The following TTN variants were observed in gnomAD, a reference collection of about 807,000 sequenced individuals.
TTN encodes titin.
TTN carries 1,525 observed loss-of-function variants against 3,223.0 expected under a neutral mutation model. The ratio of observed to expected loss-of-function variants is 0.47; its 90% CI spans 0.45 to 0.49. TTN has a LOEUF of 0.49. Ranked by LOEUF, TTN falls within the 20% of genes least tolerant of loss-of-function variation. TTN has a pLI of 0.00. For synonymous variants in TTN, 14,094 were observed against 15,161.0 expected, an observed-to-expected ratio of 0.93 and a Z score of 5.17; for missense variants, 40,786 against 43,424.0, an observed-to-expected ratio of 0.94 and a Z score of 5.40.
intron 292 of TTN, 141 bp from the exon 293 acceptor site, chr2:178,598,199 G>C: frequency 1.0e-6 from 1 of 984,382 alleles, no homozygotes; most frequent in Non-Finnish European, 1.5e-6. Flanking sequence ...TTAGGGATCA[G>C]ATATTACAGG....
chr2:178,552,376 C>G lies in TTN; in HGVS notation c.90524G>C (p.Ser30175Thr). The change falls in exon 335 of 363, where the codon AGT becomes ACT. Residue 30175 changes from serine to threonine, a missense_variant. By Grantham distance (58) the Ser-to-Thr change is moderately conservative. Transcript: ENST00000589042. ...WLKDGLPLKE[S>T]EFVRFSKTEN... is the part of the protein sequence containing the mutation. ...AGTTTTACTGAAGCGAACAAATTCACTTTCTTTCAGTGGCAAGCCATCTTT... is the reference window on the plus strand; with the variant it reads ...AGTTTTACTGAAGCGAACAAATTCAGTTTCTTTCAGTGGCAAGCCATCTTT... 1 of 1,591,528 alleles carries G rather than the reference C, an allele frequency of 6.3e-7. No individual in the cohort carries two copies. Among genetic ancestry groups the G allele is most frequent in the Non-Finnish European group, 8.6e-7 (1 of 1,167,500 alleles).
chr2:178,740,381 C>G lies in TTN; in HGVS notation c.12852G>C (p.Gln4284His). 6.2e-7 allele frequency: 1 copy of G among 1,613,396 alleles called. No homozygotes were observed. Among genetic ancestry groups the G allele is most frequent in the Non-Finnish European group, 8.5e-7 (1 of 1,179,678 alleles). ...AAGGGACTAGGGGCTCATAGTTTAC[C>G]TGAGAGATCATGACATCAGGACTCT... ...SLQSPDVMIS[Q>H]VNYEPLVPSE... The change falls in exon 48 of 363, where the codon CAG becomes CAC. Residue 4284 changes from glutamine to histidine, a missense_variant. Physicochemically the swap from Gln to His is conservative, Grantham distance 24. Coordinates refer to ENST00000589042, the MANE Select transcript of TTN (RefSeq NM_001267550.2).
chr2:178,669,349 A>T, intron 159 of TTN, 24 bp downstream of exon 159: 2 of 1,510,652 alleles, frequency 1.3e-6, no homozygotes, highest in East Asian at 4.9e-5. Flanking sequence ...AACGAAAAAG[A>T]ACCACTAATT....
In TTN at chr2:178,664,339, G is replaced by T. The variant is rs890274653; in HGVS notation, c.36280+121C>A. Reference sequence around the variant, plus strand: ...ATATTAATACATTTACACTTGAGTTGCAAGAGTCAACACAGACATGATTCA... The same window carrying T: ...ATATTAATACATTTACACTTGAGTTTCAAGAGTCAACACAGACATGATTCA... On this transcript the variant is annotated intron_variant, in intron 168 of 362. Transcript: ENST00000589042. 9 of 853,634 alleles carry T rather than the reference G, an allele frequency of 1.1e-5. No individual in the cohort carries two copies. The African/African-American group carries it at 1.4e-4, about 13-fold the overall frequency. The allele number at this position is 853,634 out of a possible 1,614,324, so 52.9% of individuals were successfully genotyped here.
At chr2:178,749,551 C>T (rs954361973) in intron 47 of TTN, 2 of 1,612,632 alleles carry the variant, frequency 1.2e-6, no homozygotes, top group African/African-American at 2.7e-5. Flanking sequence ...AAAAATGTGC[C>T]CTTACAGATT....
At position 178,593,437 on chromosome 2, in the gene TTN, C is replaced by T. The variant is rs776808469; in HGVS notation, c.58771G>A (p.Val19591Ile). Reference protein sequence around the residue: ...DAPDQPIVTEVTKDSALVTWN... With the variant: ...DAPDQPIVTEITKDSALVTWN... Reference sequence around the variant, plus strand: ...GTTACTAATGCAGAGTCTTTGGTAACTTCTGTAACAATTGGCTGATCAGGT... The same window carrying T: ...GTTACTAATGCAGAGTCTTTGGTAATTTCTGTAACAATTGGCTGATCAGGT... The change falls in exon 299 of 363, where the codon GTT becomes ATT. Residue 19591 changes from valine (V) to isoleucine (I), a missense_variant. Val to Ile is a conservative substitution (Grantham distance 29, BLOSUM62 3). Transcript: ENST00000589042. The T allele has an allele frequency of 2.5e-5, 41 of 1,612,808 alleles. No homozygotes were observed. The South Asian group carries it at 4.4e-4, about 17-fold the overall frequency.
rs72648985 is a variant in TTN at position 178,717,514 on chromosome 2, G to A, written c.25351+9C>T. 6.3e-7 allele frequency: 1 copy of A among 1,591,040 alleles called. No homozygotes were observed. The highest frequency in any genetic ancestry group is 8.6e-7 in the Non-Finnish European group (1 of 1,168,338). On this transcript the variant is annotated intron_variant, in intron 87 of 362. Coordinates refer to ENST00000589042, the MANE Select transcript of TTN (RefSeq NM_001267550.2). ...CTTTACAATGAAGAGGGTACTGTGA[G>A]TTACTCACCTGAGAGAATGAGCTTG...
intron 8 of TTN, 143 bp from the exon 9 acceptor site, chr2:178,793,684 C>CA: frequency 8.6e-7 from 1 of 1,159,728 alleles, no homozygotes; most frequent in Non-Finnish European, 1.2e-6. Flanking sequence ...CCTGTAATCC[C>CA]AGCTACTCAC....
At chr2:178,664,261 C>G (rs2065446385) in intron 168 of TTN, among the ~76,000 whole-genome samples, 163 bp from the exon 169 acceptor site, 1 of 152,008 alleles carries the variant, frequency 6.6e-6, no homozygotes, top group Admixed American at 6.6e-5. Flanking sequence ...GGAGGAACTT[C>G]CGGTATTTTC....
chr2:178,568,896 A>G lies in TTN; in HGVS notation c.77236T>C (p.Ser25746Pro). The G allele has an allele frequency of 6.2e-7, 1 of 1,613,222 alleles. No homozygotes were observed. Among genetic ancestry groups the G allele is most frequent in the Non-Finnish European group, 8.5e-7 (1 of 1,179,568 alleles). ...EMQAKHSEKW[S>P]ECARVKSLQA... is the part of the protein sequence containing the mutation. The stretch of plus-strand genomic sequence containing the variant: ...AGAGACTTTACTCGAGCACACTCTG[A>G]CCATTTCTCACTGTGTTTAGCTTGC... Residue 25746 changes from serine (S) to proline (P), a missense_variant, in exon 326 of 363, where the codon TCA (serine) becomes CCA (proline). Transcript: ENST00000589042.
intron 223 of TTN, among the ~76,000 whole-genome samples, chr2:178,637,718 C>T (rs1381829663): frequency 1.3e-5 from 2 of 152,014 alleles, no homozygotes; most frequent in African/African-American, 4.8e-5. Context: ...TTTGCTCCTG[C>T]CTAGCTGTGC....
Position 178,784,123 on chromosome 2 carries a change from C to T in TTN, c.2722G>A (p.Gly908Ser). Residue 908 changes from glycine to serine, a missense_variant, in exon 16 of 363, where the codon GGC becomes AGC. Physicochemically the swap from Gly to Ser is moderately conservative, Grantham distance 56. Coordinates refer to ENST00000589042, the MANE Select transcript of TTN (RefSeq NM_001267550.2). Reference sequence around the variant, plus strand: ...AAGCGCTCTTCACGGACGGTGGTGCCAGTGATGCTCACCCCTACTTCCTTT... The same window carrying T: ...AAGCGCTCTTCACGGACGGTGGTGCTAGTGATGCTCACCCCTACTTCCTTT... Reference protein sequence around the residue: ...VKKEVGVSITGTTVREERFEV... With the variant: ...VKKEVGVSITSTTVREERFEV... 1 of 1,614,074 alleles carries T rather than the reference C, an allele frequency of 6.2e-7. No homozygotes were observed. The highest frequency in any genetic ancestry group is 8.5e-7 in the Non-Finnish European group (1 of 1,179,994).
At chr2:178,802,386 C>A in intron 2 of TTN, 45 bp from the exon 3 acceptor site, 1 of 1,582,048 alleles carries the variant, frequency 6.3e-7, no homozygotes, top group Non-Finnish European at 8.6e-7. Context: ...ATGGGCACCA[C>A]AAAGTCCTCT....
At position 178,542,580 on chromosome 2, in the gene TTN, A is replaced by G; in HGVS notation, c.97193-17T>C. ...CAGGCTTGTCTATGAAAGAGAAGAA[A>G]TACAGGAAATTAATTTTTACTTCAA... On this transcript the variant is annotated splice_polypyrimidine_tract_variant and intron_variant, in intron 348 of 362. Coordinates refer to ENST00000589042, the MANE Select transcript of TTN (RefSeq NM_001267550.2). 6.3e-7 allele frequency: 1 copy of G among 1,592,206 alleles called. No individual in the cohort carries two copies. The highest frequency in any genetic ancestry group is 1.1e-5 in the South Asian group (1 of 88,178).
At chr2:178,798,197 CTTA>C (rs2093872092) in intron 6 of TTN, among the ~76,000 whole-genome samples, 1 of 152,034 alleles carries the variant, frequency 6.6e-6, no homozygotes, top group Non-Finnish European at 1.5e-5. Context: ...CAACTATCTC[CTTA>C]TTATTCTTTT....
At position 178,534,216 on chromosome 2, in the gene TTN, A is replaced by T; in HGVS notation, c.102399T>A (p.Ile34133=). The change falls in exon 358 of 363, where the codon ATT becomes ATA. Residue 34133 remains isoleucine, a synonymous_variant. Transcript: ENST00000589042. ...TCTGCCCAGAAACTGGGCCAATTTCAATGGATGCCACTTTAACTTTAGCAA... is the reference window on the plus strand; with the variant it reads ...TCTGCCCAGAAACTGGGCCAATTTCTATGGATGCCACTTTAACTTTAGCAA... ...VSVAKVKVAS[I]EIGPVSGQIM... 6.2e-7 allele frequency: 1 copy of T among 1,613,898 alleles called. No homozygotes were observed. Among genetic ancestry groups the T allele is most frequent in the Non-Finnish European group, 8.5e-7 (1 of 1,179,840 alleles).
Position 178,570,659 on chromosome 2 carries a change from A to G in TTN, c.75473T>C (p.Leu25158Ser). 1.9e-6 allele frequency: 3 copies of G among 1,613,460 alleles called. No homozygotes were observed. The highest frequency in any genetic ancestry group is 8.5e-7 in the Non-Finnish European group (1 of 1,179,588). Residue 25158 changes from leucine (L) to serine (S), a missense_variant, in exon 326 of 363, where the codon TTA becomes TCA. Transcript: ENST00000589042. ...GDQELSNTAR[L>S]EIKSTDFATS... is the part of the protein sequence containing the mutation. ...GGCAAAGTCGGTGCTCTTTATTTCT[A>G]ATCGAGCTGTGTTTGAAAGCTCCTG...
chr2:178,652,873 T>C lies in TTN; in HGVS notation c.38934A>G (p.Lys12978=), dbSNP rs1484907797. Residue 12978 remains lysine (K), a synonymous_variant, in exon 200 of 363, where the codon AAA becomes AAG. Coordinates refer to ENST00000589042, the MANE Select transcript of TTN (RefSeq NM_001267550.2). ...PEKKMPLAPP[K]KPEVPPVKVP... is the part of the protein sequence containing the mutation. Reference sequence around the variant, plus strand: ...CTTTAACAGGAGGGACTTCAGGCTTTTTAGGAGGAGCCAAGGGCATTTTCT... The same window carrying C: ...CTTTAACAGGAGGGACTTCAGGCTTCTTAGGAGGAGCCAAGGGCATTTTCT... The C allele has an allele frequency of 6.2e-7, 1 of 1,611,848 alleles. No individual in the cohort carries two copies. Among genetic ancestry groups the C allele is most frequent in the South Asian group, 1.1e-5 (1 of 90,742 alleles).
At chr2:178,781,869 T>C (rs997815594) in intron 20 of TTN, among the ~76,000 whole-genome samples, 2 of 151,906 alleles carry the variant, frequency 1.3e-5, no homozygotes, top group African/African-American at 4.8e-5. Context: ...AGTTATTACA[T>C]GTTTTTATTG....
Sources: allele counts gnomAD v4.1 joint callset (sites outside exome capture counted in the v4.1 genomes callset), GRCh38; gene constraint gnomAD v4.1.1; transcripts MANE v1.5; gene names NCBI Gene and HGNC (gene_info 2026-07-23, HGNC 2026-07-21).